The following OC90 variants were observed in gnomAD, a reference collection of about 807,000 sequenced individuals.
The protein encoded by OC90 is otoconin 90, also known as otoconin-90.
OC90 carries 46 observed loss-of-function variants against 47.3 expected under a neutral mutation model. The observed-to-expected ratio is 0.97, with a 90% CI of 0.77 to 1.24. The LOEUF (loss-of-function observed/expected upper bound fraction) is 1.24. Ranked by LOEUF, OC90 falls within the 50% of genes most tolerant of loss-of-function variation. The pLI is 0.00. For synonymous variants in OC90, 271 were observed against 219.5 expected (o/e 1.23, Z -2.07); for missense variants, 688 against 583.9 (o/e 1.18, Z -1.84).
At chr8:132,051,196 G>A (rs1331304432) in intron 2 of OC90, among the ~76,000 whole-genome samples, 5 of 152,130 alleles carry the variant, frequency 3.3e-5, no homozygotes, top group Non-Finnish European at 7.4e-5. Context: ...TGCTATCTGG[G>A]ATTCCTGAAC....
At position 132,033,119 on chromosome 8, in the gene OC90, G is replaced by A. The variant is rs1415631026; in HGVS notation, c.779C>T (p.Thr260Ile). ...VATRVTAKIV[T>I]LVPAGIKSLG... is the part of the protein sequence containing the mutation. ...AGATTTAATGCCAGCAGGGACAAGGGTTACAATTTTAGCTGTAACCCTTGT... is the reference window on the plus strand; with the variant it reads ...AGATTTAATGCCAGCAGGGACAAGGATTACAATTTTAGCTGTAACCCTTGT... Residue 260 changes from threonine to isoleucine, a missense_variant, in exon 11 of 14, where the codon ACC becomes ATC. Transcript: ENST00000254627. 6.2e-7 allele frequency: 1 copy of A among 1,608,512 alleles called. No individual in the cohort carries two copies. Among genetic ancestry groups the A allele is most frequent in the Non-Finnish European group, 8.5e-7 (1 of 1,177,430 alleles).
intron 11 of OC90, 104 bp downstream of exon 11, chr8:132,032,935 C>G: frequency 1.6e-6 from 2 of 1,284,564 alleles, no homozygotes; most frequent in South Asian, 1.5e-5. Context: ...TCTCATCACA[C>G]CCCCATGAGA....
In OC90 at chr8:132,032,967, G is replaced by A. The variant is rs570131246; in HGVS notation, c.859+72C>T. On this transcript the variant is annotated intron_variant, in intron 11 of 13. Coordinates refer to ENST00000254627, the MANE Select transcript of OC90 (RefSeq NM_001080399.3). The stretch of plus-strand genomic sequence containing the variant: ...GAGAAGGTCACAGTGTGAAAAGGTG[G>A]CCTACGGTGATTGTTCACAGCCTCA... 2.5e-5 allele frequency: 38 copies of A among 1,520,506 alleles called. No individual in the cohort carries two copies. In the South Asian group the frequency reaches 4.6e-4, roughly 18 times the overall value. The allele number at this position is 1,520,506 out of a possible 1,614,324, so 94.2% of individuals were successfully genotyped here. A position where few individuals can be genotyped will look rare whatever the true frequency, so the allele number is the denominator to read the frequency against.
Position 132,041,511 on chromosome 8 carries a change from T to C in OC90, c.344+14A>G. 6.2e-7 allele frequency: 1 copy of C among 1,604,662 alleles called. No homozygotes were observed. The highest frequency in any genetic ancestry group is 1.1e-5 in the South Asian group (1 of 89,558). ...CACTTTTTTTGGTCTTGCTCACCTGTGGAACTCACTTACCTGTCAGATTCA... is the reference window on the plus strand; with the variant it reads ...CACTTTTTTTGGTCTTGCTCACCTGCGGAACTCACTTACCTGTCAGATTCA... On this transcript the variant is annotated intron_variant, in intron 5 of 13. Coordinates refer to ENST00000254627, the MANE Select transcript of OC90 (RefSeq NM_001080399.3).
chr8:132,039,000 G>A lies in OC90; in HGVS notation c.581C>T (p.Thr194Ile). Residue 194 changes from threonine (T) to isoleucine (I), a missense_variant, in exon 7 of 14, where the codon ACT (threonine) becomes ATT (isoleucine). Coordinates refer to ENST00000254627, the MANE Select transcript of OC90 (RefSeq NM_001080399.3). Reference protein sequence around the residue: ...LLDTSFCLAQTPETTIKEDLT... With the variant: ...LLDTSFCLAQIPETTIKEDLT... Reference sequence around the variant, plus strand: ...TGCAGCCAGGTTCTTCCTACCTGGAGTCTGAGCCAGGCAGAAGGAGGTGTC... The same window carrying A: ...TGCAGCCAGGTTCTTCCTACCTGGAATCTGAGCCAGGCAGAAGGAGGTGTC... 6.2e-7 allele frequency: 1 copy of A among 1,614,000 alleles called. No individual in the cohort carries two copies. Among genetic ancestry groups the A allele is most frequent in the South Asian group, 1.1e-5 (1 of 91,080 alleles).
intron 10 of OC90, among the ~76,000 whole-genome samples, chr8:132,033,712 C>T (rs985788670): frequency 1.3e-5 from 2 of 152,160 alleles, no homozygotes; most frequent in African/African-American, 4.8e-5. Flanking sequence ...CATCTCTTAC[C>T]GCCTGCCTGA....
chr8:132,056,606 G>A (rs1337114152), intron 1 of OC90, among the ~76,000 whole-genome samples: 2 of 152,134 alleles, frequency 1.3e-5, no homozygotes, highest in African/African-American at 4.8e-5. Flanking sequence ...AACTTTCAAG[G>A]TGAGACAGTC....
chr8:132,034,402 C>T (rs1382916214), intron 10 of OC90, among the ~76,000 whole-genome samples: 1 of 152,204 alleles, frequency 6.6e-6, no homozygotes, highest in African/African-American at 2.4e-5. Context: ...AATAGCCATA[C>T]ATCTAATCCA....
At chr8:132,042,285 G>T (rs1306744704) in intron 4 of OC90, among the ~76,000 whole-genome samples, 2 of 152,192 alleles carry the variant, frequency 1.3e-5, no homozygotes, top group East Asian at 3.9e-4. Context: ...GAGGCTGCTG[G>T]GTCTTTGATA....
At chr8:132,027,555 T>C (rs1012417693) in intron 13 of OC90, among the ~76,000 whole-genome samples, 6 of 152,226 alleles carry the variant, frequency 3.9e-5, no homozygotes, top group South Asian at 2.1e-4. Flanking sequence ...AAGTCTTTCC[T>C]TTTAAACTGC....
At chr8:132,032,150 T>C (rs1822886434) in intron 11 of OC90, 98 bp from the exon 12 acceptor site, 1 of 1,098,492 alleles carries the variant, frequency 9.1e-7, no homozygotes, top group East Asian at 2.4e-5. Flanking sequence ...TGGACAACTC[T>C]AGTCATGCAA....
At position 132,033,019 on chromosome 8, in the gene OC90, C is replaced by G. The variant is rs747581845; in HGVS notation, c.859+20G>C. 2 of 1,605,034 alleles carry G rather than the reference C, an allele frequency of 1.2e-6. No individual in the cohort carries two copies. Among genetic ancestry groups the G allele is most frequent in the Non-Finnish European group, 8.5e-7 (1 of 1,175,924 alleles). Reference sequence around the variant, plus strand: ...CAAAAGATCCCAGCAGCGGAGAGGACAGACACTGCTTCTGCTCACCTTTTT... The same window carrying G: ...CAAAAGATCCCAGCAGCGGAGAGGAGAGACACTGCTTCTGCTCACCTTTTT... On this transcript the variant is annotated intron_variant, in intron 11 of 13. Transcript: ENST00000254627.
At chr8:132,028,633 G>GACA in intron 13 of OC90, among the ~76,000 whole-genome samples, 2 of 94,772 alleles carry the variant, frequency 2.1e-5, no homozygotes, top group African/African-American at 8.1e-5. Context: ...AAGGAAGGAA[G>GACA]GAAAGAAAGG....
At chr8:132,046,081 C>T (rs1431352782) in intron 2 of OC90, among the ~76,000 whole-genome samples, 198 bp from the exon 3 acceptor site, 1 of 152,044 alleles carries the variant, frequency 6.6e-6, no homozygotes, top group African/African-American at 2.4e-5. Context: ...TGAGGTAACC[C>T]TGATGTCTTA....
At chr8:132,040,300 C>A (rs1410951115) in intron 6 of OC90, among the ~76,000 whole-genome samples, 1 of 152,174 alleles carries the variant, frequency 6.6e-6, no homozygotes, top group African/African-American at 2.4e-5. Flanking sequence ...TGGCCCCTTT[C>A]TAAATAGGGT....
intron 2 of OC90, among the ~76,000 whole-genome samples, chr8:132,050,396 A>G (rs925874389): frequency 2.0e-5 from 3 of 152,118 alleles, no homozygotes; most frequent in Non-Finnish European, 2.9e-5. Context: ...TCTGTCACTC[A>G]TGTTCTCAGT....
chr8:132,046,566 T>C (rs1485562520), intron 2 of OC90, among the ~76,000 whole-genome samples: 1 of 152,130 alleles, frequency 6.6e-6, no homozygotes, highest in Admixed American at 6.5e-5. Flanking sequence ...GCTGGGGGTG[T>C]GAAGATGCAG....
intron 2 of OC90, among the ~76,000 whole-genome samples, chr8:132,048,973 A>T (rs1437807937): frequency 1.3e-5 from 2 of 151,598 alleles, no homozygotes; most frequent in African/African-American, 2.4e-5. Context: ...CACCTGCTAA[A>T]GGTGTCTGTG....
At chr8:132,049,950 G>A (rs928204243) in intron 2 of OC90, 1 of 463,298 alleles carries the variant, frequency 2.2e-6, no homozygotes, top group African/African-American at 1.9e-5. Context: ...ATTTTCTGTT[G>A]CACCATCTCA....
Sources: gnomAD v4.1 joint callset for allele counts (sites outside exome capture counted in the v4.1 genomes callset) on GRCh38, gnomAD v4.1.1 for gene constraint, MANE v1.5 for transcripts, NCBI Gene and HGNC (gene_info 2026-07-23, HGNC 2026-07-21) for gene names.